Variants in MYO3A observed in about 807,000 individuals in gnomAD.
MYO3A encodes the protein myosin-IIIa.
A neutral mutation model predicts 192.7 loss-of-function variants in MYO3A; 180 were observed. The observed-to-expected ratio is 0.93, with a 90% confidence interval of 0.83 to 1.06. The LOEUF (loss-of-function observed/expected upper bound fraction) is 1.06, where lower values mean the gene tolerates loss of function less well. Ranked by LOEUF, MYO3A falls within the 50% of genes least tolerant of loss-of-function variation. MYO3A has a pLI of 0.00. For synonymous variants in MYO3A, 628 were observed against 645.3 expected (o/e 0.97, Z 0.41); for missense variants, 1,896 against 1,905.0 (o/e 1.00, Z 0.09).
chr10:25,950,140 T>A (rs956978217), intron 2 of MYO3A, among the ~76,000 whole-genome samples: 2 of 151,800 alleles, frequency 1.3e-5, no homozygotes, highest in Non-Finnish European at 2.9e-5. Context: ...TTCTAAGAAA[T>A]TGACATTTGA....
intron 17 of MYO3A, among the ~76,000 whole-genome samples, chr10:26,098,109 CTAACTGGTGTGAGATGGT>C (rs1438631273): frequency 6.6e-6 from 1 of 152,172 alleles, no homozygotes; most frequent in Non-Finnish European, 1.5e-5. Flanking sequence ...GATCACCATT[CTAACTGGTGTGAGATGGT>C]ATCTCATTGT....
chr10:26,165,036 T>A (rs1168198334), intron 26 of MYO3A, among the ~76,000 whole-genome samples: 1 of 152,190 alleles, frequency 6.6e-6, no homozygotes, highest in Non-Finnish European at 1.5e-5. Flanking sequence ...TAGGCCAGTA[T>A]TCTTCTCCAC....
intron 10 of MYO3A, among the ~76,000 whole-genome samples, chr10:26,057,126 G>C (rs1450365309): frequency 6.6e-6 from 1 of 152,220 alleles, no homozygotes; most frequent in African/African-American, 2.4e-5. Context: ...TAGCAGTGCT[G>C]ATGCCAGAGT....
rs112809849 is a variant in MYO3A at position 26,096,574 on chromosome 10, A to G, written c.1668A>G (p.Leu556=). 114 of 1,601,592 alleles carry G rather than the reference A, an allele frequency of 7.1e-5. 1 individual carries two copies. The African/African-American group carries it at 1.0e-3, about 15-fold the overall frequency. Residue 556 remains leucine (L), a synonymous_variant, in exon 17 of 35, where the codon CTA becomes CTG. Transcript: ENST00000642920. ...CCTTTTATATTTTTTTTAGGTACCTACAAAATGACCACCTCAGAACAGTAC... is the reference window on the plus strand; with the variant it reads ...CCTTTTATATTTTTTTTAGGTACCTGCAAAATGACCACCTCAGAACAGTAC... ...KLPENKPPRY[L]QNDHLRTVQD...
At chr10:26,093,515 A>G (rs960661242) in intron 15 of MYO3A, among the ~76,000 whole-genome samples, 2 of 152,162 alleles carry the variant, frequency 1.3e-5, no homozygotes, top group African/African-American at 4.8e-5. Context: ...CAGCCTCTGG[A>G]CCACCCCTTT....
At chr10:26,002,302 A>G (rs1212782589) in intron 6 of MYO3A, among the ~76,000 whole-genome samples, 1 of 152,218 alleles carries the variant, frequency 6.6e-6, no homozygotes. Context: ...CTCGAATATA[A>G]TTCAAATATA....
intron 31 of MYO3A, among the ~76,000 whole-genome samples, chr10:26,190,196 G>A (rs1156418870): frequency 6.6e-6 from 1 of 152,182 alleles, no homozygotes; most frequent in Non-Finnish European, 1.5e-5. Context: ...GATTGCAATG[G>A]CAAATGAGAC....
chr10:26,023,953 T>A (rs1055559558), intron 8 of MYO3A, 69 bp from the exon 9 acceptor site: 69 of 1,373,430 alleles, frequency 5.0e-5, no homozygotes, highest in Non-Finnish European at 6.0e-5. Context: ...TTAGTCTATC[T>A]GGCTCTGCCT....
chr10:26,119,037 T>A lies in MYO3A; in HGVS notation c.1777-1639T>A, dbSNP rs1371610223. On this transcript the variant is annotated intron_variant, in intron 17 of 34. Transcript: ENST00000642920. ...CCTCATCCTCACCCTCTTCCAGCCC[T>A]CGTATGTCTTCCTTCTTTCCTCTAG... Among the ~76,000 whole-genome samples, 7 of 152,216 alleles carry A rather than the reference T, an allele frequency of 4.6e-5. No individual in the cohort carries two copies. The East Asian group carries it at 1.2e-3, about 25-fold the overall frequency.
intron 29 of MYO3A, among the ~76,000 whole-genome samples, chr10:26,171,277 A>G (rs1298170268): frequency 6.6e-6 from 1 of 152,192 alleles, no homozygotes; most frequent in Non-Finnish European, 1.5e-5. Context: ...GATAAAGATC[A>G]TTCCAGCCCC....
chr10:26,165,247 G>C (rs1236413465), intron 26 of MYO3A, among the ~76,000 whole-genome samples: 1 of 152,120 alleles, frequency 6.6e-6, no homozygotes, highest in Non-Finnish European at 1.5e-5. Context: ...CACCTCAGCC[G>C]TCTACATATC....
intron 27 of MYO3A, among the ~76,000 whole-genome samples, chr10:26,167,129 A>G (rs916895691): frequency 6.6e-6 from 1 of 152,200 alleles, no homozygotes; most frequent in Admixed American, 6.5e-5. Context: ...ATACTCATAG[A>G]TTGACCACTC....
At chr10:26,028,113 A>G (rs1842640218) in intron 10 of MYO3A, among the ~76,000 whole-genome samples, 1 of 152,174 alleles carries the variant, frequency 6.6e-6, no homozygotes, top group African/African-American at 2.4e-5. Context: ...AATGCCTACT[A>G]TGTGCCAGAT....
At chr10:26,190,385 T>C (rs1262591954) in intron 31 of MYO3A, among the ~76,000 whole-genome samples, 2 of 152,136 alleles carry the variant, frequency 1.3e-5, no homozygotes, top group African/African-American at 4.8e-5. Flanking sequence ...GAATGTTAGA[T>C]GGAGAAGAAT....
At chr10:26,047,089 G>A (rs779855793) in intron 10 of MYO3A, among the ~76,000 whole-genome samples, 1 of 151,924 alleles carries the variant, frequency 6.6e-6, no homozygotes, top group South Asian at 2.1e-4. Flanking sequence ...GGACTCAATT[G>A]TTTACTTGTT....
chr10:25,973,822 C>T (rs1276912143), intron 4 of MYO3A, among the ~76,000 whole-genome samples: 2 of 152,060 alleles, frequency 1.3e-5, no homozygotes, highest in African/African-American at 4.8e-5. Context: ...ACAAACCAGA[C>T]AAAAACAAGC....
intron 17 of MYO3A, among the ~76,000 whole-genome samples, chr10:26,098,455 C>A (rs963011962): frequency 3.3e-5 from 5 of 152,116 alleles, no homozygotes; most frequent in African/African-American, 1.2e-4. Context: ...GTTGCCATTG[C>A]TTTTGGTGTT....
intron 20 of MYO3A, 34 bp downstream of exon 20, chr10:26,128,572 A>G: frequency 1.3e-6 from 2 of 1,576,218 alleles, no homozygotes; most frequent in Non-Finnish European, 1.7e-6. Context: ...ATATGCATGC[A>G]TGCATGTATT....
chr10:26,029,768 AGG>A (rs1842725536), intron 10 of MYO3A, among the ~76,000 whole-genome samples: 1 of 152,160 alleles, frequency 6.6e-6, no homozygotes, highest in Non-Finnish European at 1.5e-5. Context: ...ATTTCAACAC[AGG>A]TGAATTGTCC....
Sources: allele counts gnomAD v4.1 joint callset (sites outside exome capture counted in the v4.1 genomes callset), GRCh38; gene constraint gnomAD v4.1.1; transcripts MANE v1.5; gene names NCBI Gene and HGNC (gene_info 2026-07-23, HGNC 2026-07-21).